Variants in GLIS1 observed in about 807,000 individuals in gnomAD.
The protein encoded by GLIS1 is GLIS family zinc finger 1, also known as zinc finger protein GLIS1.
In GLIS1, 24 loss-of-function variants were observed where a neutral mutation model predicts 63.8. The ratio of observed to expected loss-of-function variants is 0.38; its 90% CI spans 0.27 to 0.53. GLIS1 has a LOEUF of 0.53. GLIS1 is among the 20% of genes least tolerant of loss of function. The pLI is 0.85. For missense variants in GLIS1, 1,036 were observed against 1,074.1 expected (o/e 0.96, Z 0.50); for synonymous variants, 450 against 482.5 (o/e 0.93, Z 0.88).
intron 4 of GLIS1, among the ~76,000 whole-genome samples, chr1:53,570,277 C>T (rs1362794736): frequency 7.4e-6 from 1 of 134,952 alleles, no homozygotes; most frequent in Non-Finnish European, 1.5e-5. Flanking sequence ...CCATTCTTGG[C>T]TAATTTAAAA....
intron 2 of GLIS1, among the ~76,000 whole-genome samples, chr1:53,612,584 G>A (rs1182202880): frequency 1.3e-5 from 2 of 152,058 alleles, no homozygotes; most frequent in Non-Finnish European, 2.9e-5. Flanking sequence ...CTGGGATCTT[G>A]ACCCCTCATG....
intron 2 of GLIS1, among the ~76,000 whole-genome samples, chr1:53,606,856 C>A (rs1220499512): frequency 6.6e-6 from 1 of 152,242 alleles, no homozygotes; most frequent in Non-Finnish European, 1.5e-5. Flanking sequence ...CATAAATTCC[C>A]CCTTTAAAGC....
At chr1:53,568,601 G>A (rs6686640) in intron 4 of GLIS1, among the ~76,000 whole-genome samples, 25,598 of 152,114 alleles carry the variant, frequency 0.17, 2,353 homozygotes, top group South Asian at 0.22. Flanking sequence ...GTAATCCCCA[G>A]GTATCAGGGA....
At chr1:53,514,847 G>A (rs1023742908) in intron 7 of GLIS1, 66 bp from the exon 8 acceptor site, 8 of 1,460,764 alleles carry the variant, frequency 5.5e-6, no homozygotes, top group Non-Finnish European at 7.3e-6. Context: ...TGATGGCCCA[G>A]GAGCTGTGTG....
rs140911264 is a variant in GLIS1 at position 53,666,297 on chromosome 1, C to G, written c.260-66019G>C. ...AATCAGATGCAGGTTGGTTATTTCC[C>G]TAACCTGCAGATAAGGAAAACTGGG... On this transcript the variant is annotated intron_variant, in intron 2 of 10. Coordinates refer to ENST00000628545, the MANE Select transcript of GLIS1 (RefSeq NM_001367484.1). 2.9e-3 allele frequency among the ~76,000 whole-genome samples: 448 copies of G among 152,320 alleles called. 1 individual carries two copies. The highest frequency in any genetic ancestry group is 0.018 in the South Asian group (88 of 4,826).
At chr1:53,595,237 C>T (rs185211659) in intron 3 of GLIS1, among the ~76,000 whole-genome samples, 28 of 152,188 alleles carry the variant, frequency 1.8e-4, no homozygotes, top group African/African-American at 5.5e-4. Context: ...AGGCAGGAGG[C>T]CAGGCACAAT....
chr1:53,600,785 T>G (rs915060923), intron 2 of GLIS1, among the ~76,000 whole-genome samples: 2 of 152,236 alleles, frequency 1.3e-5, no homozygotes, highest in Admixed American at 1.3e-4. Context: ...TCTGGTACAG[T>G]TAACACAAAA....
chr1:53,631,574 G>A (rs984212685), intron 2 of GLIS1, among the ~76,000 whole-genome samples: 3 of 152,180 alleles, frequency 2.0e-5, no homozygotes, highest in Admixed American at 6.5e-5. Flanking sequence ...AATAATCTCT[G>A]CTTTCATGGC....
chr1:53,601,146 G>A (rs150282793), intron 2 of GLIS1, among the ~76,000 whole-genome samples: 298 of 152,254 alleles, frequency 2.0e-3, no homozygotes, highest in Admixed American at 3.3e-3. Flanking sequence ...GGGGCTGACA[G>A]ACCTCGATGT....
At chr1:53,635,836 G>A (rs1283893333) in intron 2 of GLIS1, among the ~76,000 whole-genome samples, 1 of 152,116 alleles carries the variant, frequency 6.6e-6, no homozygotes, top group Non-Finnish European at 1.5e-5. Context: ...CAAATAATTT[G>A]TGAAATGTAC....
intron 4 of GLIS1, among the ~76,000 whole-genome samples, chr1:53,561,005 C>T (rs942692009): frequency 6.6e-6 from 1 of 152,126 alleles, no homozygotes; most frequent in African/African-American, 2.4e-5. Flanking sequence ...GGGACCAAGC[C>T]CCTACTGTGT....
chr1:53,630,018 T>A (rs1358980053), intron 2 of GLIS1, among the ~76,000 whole-genome samples: 1 of 152,204 alleles, frequency 6.6e-6, no homozygotes, highest in East Asian at 1.9e-4. Context: ...ACTGCTCAGA[T>A]TTTGATATAT....
rs949146499 is a variant in GLIS1, at chr1:53,539,972, G to A, written c.1321-10020C>T. Among the ~76,000 whole-genome samples, 1 of 152,134 alleles carries A rather than the reference G, an allele frequency of 6.6e-6. No homozygotes were observed. The highest frequency in any genetic ancestry group is 1.5e-5 in the Non-Finnish European group (1 of 68,014). On this transcript the variant is annotated intron_variant, in intron 4 of 10. Transcript: ENST00000628545. The surrounding 1 kb of genome is among the most constrained non-coding windows in gnomAD (Gnocchi z 5.0). Reference sequence around the variant, plus strand: ...GCCGCCTCCACGCCTTTGCCCATGCGGTGTCCTCTGCTCAAGGTGCCCCTG... The same window carrying A: ...GCCGCCTCCACGCCTTTGCCCATGCAGTGTCCTCTGCTCAAGGTGCCCCTG...
chr1:53,509,946 G>C lies in GLIS1; in HGVS notation c.1965C>G (p.Ser655Arg). 1.5e-6 allele frequency: 2 copies of C among 1,303,500 alleles called. No homozygotes were observed. The highest frequency in any genetic ancestry group is 2.0e-6 in the Non-Finnish European group (2 of 1,017,514). The allele number at this position is 1,303,500 out of a possible 1,614,324, so 80.7% of individuals were successfully genotyped here. Residue 655 changes from serine (S) to arginine (R), a missense_variant, in exon 9 of 11, where the codon AGC (serine) becomes AGG (arginine). Physicochemically the swap from Ser to Arg is moderately radical, Grantham distance 110. This residue lies in a region of GLIS1 where 400 missense variants were observed against 400.9 expected (regional missense o/e 1.00). Coordinates refer to ENST00000628545, the MANE Select transcript of GLIS1 (RefSeq NM_001367484.1). ...GGAAGGGCTGGCCCCCCGGAGAATGGCTCTGAGAGGATGGGGGCAGCGGCG... is the reference window on the plus strand; with the variant it reads ...GGAAGGGCTGGCCCCCCGGAGAATGCCTCTGAGAGGATGGGGGCAGCGGCG... Reference protein sequence around the residue: ...GPPPLPPSSQSHSPGGQPFPT... With the variant: ...GPPPLPPSSQRHSPGGQPFPT...
At chr1:53,611,154 G>A (rs1645420888) in intron 2 of GLIS1, among the ~76,000 whole-genome samples, 1 of 152,018 alleles carries the variant, frequency 6.6e-6, no homozygotes. Flanking sequence ...GCATGACCTT[G>A]GCTCCCTGCA....
chr1:53,646,737 T>C lies in GLIS1; in HGVS notation c.260-46459A>G, dbSNP rs137937384. The stretch of plus-strand genomic sequence containing the variant: ...AGGGAGGAGGACTGTTTGAACCTGG[T>C]AGGCAGAGGTTGCAGTGAGTAGAGA... On this transcript the variant is annotated intron_variant, in intron 2 of 10. Transcript: ENST00000628545. The surrounding 1 kb of genome is among the most constrained non-coding windows in gnomAD (Gnocchi z 4.2). Among the ~76,000 whole-genome samples, 2,198 of 151,734 alleles carry C rather than the reference T, an allele frequency of 0.014. 36 individuals carry two copies. Among genetic ancestry groups the C allele is most frequent in the Non-Finnish European group, 0.021 (1,399 of 67,898 alleles).
intron 5 of GLIS1, among the ~76,000 whole-genome samples, chr1:53,527,717 G>A (rs1644485438): frequency 6.6e-6 from 1 of 152,242 alleles, no homozygotes; most frequent in Non-Finnish European, 1.5e-5. Flanking sequence ...CTGGGGGCAG[G>A]TGCTGGGACA....
intron 10 of GLIS1, 91 bp from the exon 11 acceptor site, chr1:53,506,867 A>G (rs1472732092): frequency 2.3e-6 from 3 of 1,293,522 alleles, no homozygotes; most frequent in African/African-American, 1.5e-5. Context: ...CCGCCTGCCC[A>G]GGGTCATCCC....
chr1:53,510,327 A>G (rs1035505365), intron 8 of GLIS1, among the ~76,000 whole-genome samples: 5 of 152,182 alleles, frequency 3.3e-5, no homozygotes, highest in African/African-American at 1.2e-4. Flanking sequence ...TTGGCCAACT[A>G]TTTTGGGCAA....
Sources: gnomAD v4.1 joint callset for allele counts (sites outside exome capture counted in the v4.1 genomes callset) on GRCh38, gnomAD v4.1.1 for gene constraint, gnomAD v4.1.1 regional missense constraint, Gnocchi (gnomAD v3.1) non-coding constraint, MANE v1.5 for transcripts, NCBI Gene and HGNC (gene_info 2026-07-23, HGNC 2026-07-21) for gene names.